Variants in EN2 observed in about 807,000 individuals in gnomAD.
EN2 encodes the protein homeobox protein engrailed-2.
EN2 carries 7 observed loss-of-function variants against 25.0 expected under a neutral mutation model. The ratio of observed to expected loss-of-function variants is 0.28; its 90% CI spans 0.16 to 0.53. The LOEUF (loss-of-function observed/expected upper bound fraction) is 0.53. Among genes scored for constraint, EN2 ranks in the 20% least tolerant of loss-of-function variants. The probability of loss-of-function intolerance (pLI) is 0.96; values close to 1 mark genes in which losing one functional copy is unlikely to be tolerated. For synonymous variants in EN2, 277 were observed against 243.3 expected (o/e 1.14, Z -1.29); for missense variants, 524 against 501.8 (o/e 1.04, Z -0.42).
In EN2 at chr7:155,458,308, C is replaced by A. The variant is rs1228324798; in HGVS notation, c.-70C>A. ...GGGGCGCGGGGGTCTCCGTGTGCGC[C>A]GCGGGAGGGCCGAAGGCTGATTTGG... is the stretch of plus-strand genomic sequence containing the variant. On this transcript the variant is annotated 5_prime_UTR_variant, in exon 1 of 2. Coordinates refer to ENST00000297375, the MANE Select transcript of EN2 (RefSeq NM_001427.4). 1.6e-6 allele frequency: 2 copies of A among 1,255,670 alleles called. No individual in the cohort carries two copies. The highest frequency in any genetic ancestry group is 3.1e-5 in the East Asian group (1 of 31,980). The allele number at this position is 1,255,670 out of a possible 1,614,324, so 77.8% of individuals were successfully genotyped here.
chr7:155,462,528 G>A lies in EN2; in HGVS notation c.843G>A (p.Leu281=). The A allele has an allele frequency of 6.2e-7, 1 of 1,614,226 alleles. No individual in the cohort carries two copies. ...GGCGCCAGAGCCTGGCGCAGGAGCT[G>A]AGCCTCAACGAGTCACAGATCAAGA... is the stretch of plus-strand genomic sequence containing the variant. ...EQRRQSLAQE[L]SLNESQIKIW... Residue 281 remains leucine, a synonymous_variant, in exon 2 of 2, where the codon CTG becomes CTA. Transcript: ENST00000297375.
chr7:155,459,104 G>C (rs1381383028), intron 1 of EN2, 42 bp downstream of exon 1: 1 of 1,518,552 alleles, frequency 6.6e-7, no homozygotes, highest in South Asian at 1.2e-5. Flanking sequence ...GCCGCGGGGA[G>C]GCCCGCGGAG....
In EN2 at chr7:155,463,134, CTTTG is replaced by C; in HGVS notation, c.*453_*456del. On this transcript the variant is annotated 3_prime_UTR_variant, in exon 2 of 2. Coordinates refer to ENST00000297375, the MANE Select transcript of EN2 (RefSeq NM_001427.4). ...CCTATTTGGTCTATGACTTCTGCCA[CTTTG>C]TTTGTGTTGGCTTGGTGAGGACAGC... is the stretch of plus-strand genomic sequence containing the variant. 6.4e-6 allele frequency: 1 copy of C among 155,864 alleles called. No individual in the cohort carries two copies. The highest frequency in any genetic ancestry group is 1.4e-5 in the Non-Finnish European group (1 of 70,512). The allele number at this position is 155,864 out of a possible 1,614,324, so 9.7% of individuals were successfully genotyped here.
chr7:155,458,514 G>A lies in EN2; in HGVS notation c.137G>A (p.Arg46Gln), dbSNP rs1474183247. 5.2e-6 allele frequency: 7 copies of A among 1,334,470 alleles called. No homozygotes were observed. The highest frequency in any genetic ancestry group is 1.5e-5 in the African/African-American group (1 of 64,958). The allele number at this position is 1,334,470 out of a possible 1,614,324, so 82.7% of individuals were successfully genotyped here. ...GGCGAAGCGGACACCGGGCGCCGGC[G>A]GGCTCTGATGCTGCCCGCGGTCCTG... ...SPGEADTGRR[R>Q]ALMLPAVLQA... The change falls in exon 1 of 2, where the codon CGG becomes CAG. Residue 46 changes from arginine (R) to glutamine (Q), a missense_variant. Transcript: ENST00000297375.
chr7:155,458,502 C>G lies in EN2; in HGVS notation c.125C>G (p.Thr42Ser). The change falls in exon 1 of 2, where the codon ACC (threonine) becomes AGC (serine). Residue 42 changes from threonine to serine, a missense_variant. By Grantham distance (58) the Thr-to-Ser change is moderately conservative. Transcript: ENST00000297375. ...GGGSSPGEAD[T>S]GRRRALMLPA... ...GGTAGCAGCCCGGGCGAAGCGGACA[C>G]CGGGCGCCGGCGGGCTCTGATGCTG... is the stretch of plus-strand genomic sequence containing the variant. 7.6e-7 allele frequency: 1 copy of G among 1,321,268 alleles called. No individual in the cohort carries two copies. Among genetic ancestry groups the G allele is most frequent in the Non-Finnish European group, 9.7e-7 (1 of 1,034,244 alleles). 81.8% of individuals were successfully genotyped at this position (1,321,268 alleles called of 1,614,324 possible). A position where few individuals can be genotyped will look rare whatever the true frequency, so the allele number is the denominator to read the frequency against.
At position 155,458,392 on chromosome 7, in the gene EN2, C is replaced by T; in HGVS notation, c.15C>T (p.Asp5=). Residue 5 remains aspartate (D), a synonymous_variant, in exon 1 of 2, where the codon GAC becomes GAT. Transcript: ENST00000297375. MEEN[D]PKPGEAAAAV... ...CTGTGAACAGCATGGAGGAGAATGA[C>T]CCCAAGCCTGGCGAAGCAGCGGCGG... The T allele has an allele frequency of 7.6e-7, 1 of 1,320,924 alleles. No homozygotes were observed. Among genetic ancestry groups the T allele is most frequent in the African/African-American group, 1.5e-5 (1 of 65,552 alleles). 81.8% of individuals were successfully genotyped at this position (1,320,924 alleles called of 1,614,324 possible).
chr7:155,460,797 C>T (rs1233898578), intron 1 of EN2, among the ~76,000 whole-genome samples: 2 of 152,186 alleles, frequency 1.3e-5, no homozygotes. Flanking sequence ...GGCCTGGAGC[C>T]CTGGGCGTGA....
chr7:155,461,739 A>C (rs1192661530), intron 1 of EN2, among the ~76,000 whole-genome samples: 1 of 152,198 alleles, frequency 6.6e-6, no homozygotes, highest in Non-Finnish European at 1.5e-5. Context: ...GGAGGGAAGT[A>C]CATGCACTGA....
intron 1 of EN2, among the ~76,000 whole-genome samples, chr7:155,459,987 G>A (rs568027997): frequency 2.8e-4 from 43 of 152,380 alleles, no homozygotes; most frequent in African/African-American, 9.9e-4. Context: ...ACCGCCATTA[G>A]AAGTGGACTG....
intron 1 of EN2, among the ~76,000 whole-genome samples, chr7:155,460,734 G>A (rs1795685510): frequency 6.6e-6 from 1 of 152,076 alleles, no homozygotes; most frequent in African/African-American, 2.4e-5. Context: ...CCGTTCCGGA[G>A]GGCCAACCCC....
rs750411626 is a variant in EN2, at chr7:155,458,604, G to A, written c.227G>A (p.Arg76Gln). 8.8e-6 allele frequency: 13 copies of A among 1,473,542 alleles called. No homozygotes were observed. Among genetic ancestry groups the A allele is most frequent in the Non-Finnish European group, 1.2e-5 (13 of 1,110,614 alleles). The allele number at this position is 1,473,542 out of a possible 1,614,324, so 91.3% of individuals were successfully genotyped here. The change falls in exon 1 of 2, where the codon CGG (arginine) becomes CAG (glutamine). Residue 76 changes from arginine to glutamine, a missense_variant. Arg to Gln is a conservative substitution (Grantham distance 43). Transcript: ENST00000297375. ...AACTTCTTCATCGACAACATCCTGC[G>A]GCCCGAGTTCGGCCGGCGAAAGGAC... The part of the protein sequence containing the change: ...ITNFFIDNIL[R>Q]PEFGRRKDAG...
chr7:155,462,359 G>C lies in EN2; in HGVS notation c.686-12G>C, dbSNP rs185085386. 6.3e-7 allele frequency: 1 copy of C among 1,598,342 alleles called. No individual in the cohort carries two copies. The highest frequency in any genetic ancestry group is 1.7e-4 in the Middle Eastern group (1 of 5,966). On this transcript the variant is annotated splice_polypyrimidine_tract_variant and intron_variant, in intron 1 of 1. Coordinates refer to ENST00000297375, the MANE Select transcript of EN2 (RefSeq NM_001427.4). Reference sequence around the variant, plus strand: ...GTAACCTGACTTCTCTCTGTCCACCGTATCTACCCAGGTCCCAGGTCTCGA... The same window carrying C: ...GTAACCTGACTTCTCTCTGTCCACCCTATCTACCCAGGTCCCAGGTCTCGA...
chr7:155,459,168 C>A, intron 1 of EN2, 106 bp downstream of exon 1: 2 of 1,202,352 alleles, frequency 1.7e-6, no homozygotes, highest in South Asian at 3.2e-5. Context: ...TCTCGAACCT[C>A]CCCCGCGCAC....
chr7:155,461,201 CAG>C (rs1015529249), intron 1 of EN2, among the ~76,000 whole-genome samples: 8 of 152,206 alleles, frequency 5.3e-5, no homozygotes, highest in African/African-American at 1.9e-4. Context: ...TCTCCAGCCA[CAG>C]GGACCTGTGA....
At position 155,462,523 on chromosome 7, in the gene EN2, G is replaced by A; in HGVS notation, c.838G>A (p.Glu280Lys). Residue 280 changes from glutamate (E) to lysine (K), a missense_variant, in exon 2 of 2, where the codon GAG (glutamate) becomes AAG (lysine). Physicochemically the swap from Glu to Lys is moderately conservative, Grantham distance 56 (BLOSUM62 1). Coordinates refer to ENST00000297375, the MANE Select transcript of EN2 (RefSeq NM_001427.4). Reference protein sequence around the residue: ...TEQRRQSLAQELSLNESQIKI... With the variant: ...TEQRRQSLAQKLSLNESQIKI... ...GCAGCGGCGCCAGAGCCTGGCGCAG[G>A]AGCTGAGCCTCAACGAGTCACAGAT... 6.2e-7 allele frequency: 1 copy of A among 1,614,210 alleles called. No homozygotes were observed. The highest frequency in any genetic ancestry group is 8.5e-7 in the Non-Finnish European group (1 of 1,180,044).
At position 155,458,673 on chromosome 7, in the gene EN2, G is replaced by C; in HGVS notation, c.296G>C (p.Gly99Ala). The change falls in exon 1 of 2, where the codon GGA becomes GCA. Residue 99 changes from glycine (G) to alanine (A), a missense_variant. Transcript: ENST00000297375. ...CAGAGGGRGG[G>A]AGGEGGASGA... ...GGCGCGGGAGGAGGAAGGGGCGGCG[G>C]AGCCGGCGGCGAAGGCGGCGCGAGC... 7.3e-7 allele frequency: 1 copy of C among 1,361,222 alleles called. No individual in the cohort carries two copies. Among genetic ancestry groups the C allele is most frequent in the East Asian group, 3.1e-5 (1 of 32,214 alleles). The allele number at this position is 1,361,222 out of a possible 1,614,324, so 84.3% of individuals were successfully genotyped here.
chr7:155,462,213 T>C (rs1795704335), intron 1 of EN2, among the ~76,000 whole-genome samples, 158 bp from the exon 2 acceptor site: 1 of 152,206 alleles, frequency 6.6e-6, no homozygotes, highest in Non-Finnish European at 1.5e-5. Flanking sequence ...GTTGAGCCCA[T>C]GCCCAGTCCG....
chr7:155,459,123 C>A (rs1032825413), intron 1 of EN2, 61 bp downstream of exon 1: 1 of 1,467,688 alleles, frequency 6.8e-7, no homozygotes, highest in Non-Finnish European at 9.0e-7. Context: ...AGCTGGGGGG[C>A]GGTGCTGGCG....
rs763131813 is a variant in EN2, at chr7:155,462,668, G to C, written c.983G>C (p.Gly328Ala). 24 of 1,591,858 alleles carry C rather than the reference G, an allele frequency of 1.5e-5. No individual in the cohort carries two copies. Among genetic ancestry groups the C allele is most frequent in the African/African-American group, 2.7e-5 (2 of 74,462 alleles). ...LYNHSTTAKE[G>A]KSDSE is the part of the protein sequence containing the mutation. ...AACCACTCCACCACAGCCAAGGAGG[G>C]CAAGTCGGACAGCGAGTAGGGCGGG... is the stretch of plus-strand genomic sequence containing the variant. Residue 328 changes from glycine (G) to alanine (A), a missense_variant, in exon 2 of 2, where the codon GGC becomes GCC. Coordinates refer to ENST00000297375, the MANE Select transcript of EN2 (RefSeq NM_001427.4).
Sources: gnomAD v4.1 joint callset for allele counts (sites outside exome capture counted in the v4.1 genomes callset) on GRCh38, gnomAD v4.1.1 for gene constraint, MANE v1.5 for transcripts, NCBI Gene and HGNC (gene_info 2026-07-23, HGNC 2026-07-21) for gene names.